RNF150: variants seen among roughly 807,000 people sequenced by gnomAD.
RNF150 encodes the protein ring finger protein 150.
RNF150 carries 24 observed loss-of-function variants against 39.3 expected under a neutral mutation model. The ratio of observed to expected loss-of-function variants is 0.61; its 90% CI spans 0.44 to 0.86. The LOEUF (loss-of-function observed/expected upper bound fraction) is 0.86. RNF150 is among the 40% of genes least tolerant of loss of function. The pLI is 0.00. For synonymous variants in RNF150, 255 were observed against 227.3 expected (o/e 1.12, Z -1.10); for missense variants, 502 against 587.8 (o/e 0.85, Z 1.51).
At chr4:140,947,853 C>T (rs1468074026) in intron 3 of RNF150, 117 bp from the exon 4 acceptor site, 3 of 608,254 alleles carry the variant, frequency 4.9e-6, no homozygotes, top group Non-Finnish European at 8.5e-6. Flanking sequence ...GTGCTGGTGC[C>T]AGTTTTTAAA....
intron 2 of RNF150, among the ~76,000 whole-genome samples, chr4:140,963,796 C>T (rs900874695): frequency 6.6e-6 from 1 of 151,944 alleles, no homozygotes; most frequent in Admixed American, 6.6e-5. Context: ...AAAACTTAGA[C>T]TATGGCCATT....
At chr4:140,896,035 C>G (rs1366723127) in intron 6 of RNF150, among the ~76,000 whole-genome samples, 3 of 128,894 alleles carry the variant, frequency 2.3e-5, no homozygotes, top group Non-Finnish European at 4.8e-5. Flanking sequence ...AGTCAGGAAA[C>G]AACAGGTGCT....
At chr4:141,082,454 C>T (rs1364276850) in intron 1 of RNF150, among the ~76,000 whole-genome samples, 4 of 152,216 alleles carry the variant, frequency 2.6e-5, no homozygotes, top group Non-Finnish European at 5.9e-5. Flanking sequence ...GTCTTCATTT[C>T]CTGAGACAAA....
At chr4:140,907,112 A>C (rs1730410001) in intron 6 of RNF150, among the ~76,000 whole-genome samples, 1 of 152,194 alleles carries the variant, frequency 6.6e-6, no homozygotes, top group Non-Finnish European at 1.5e-5. Flanking sequence ...GTTCTAAGGA[A>C]CTTTTTTCCC....
At chr4:141,103,154 T>G (rs1739074311) in intron 1 of RNF150, among the ~76,000 whole-genome samples, 2 of 152,166 alleles carry the variant, frequency 1.3e-5, no homozygotes, top group Admixed American at 6.5e-5. Flanking sequence ...CTAAGTCACA[T>G]GAGAGATAAA....
At chr4:141,183,886 T>A (rs1216031417) in intron 1 of RNF150, among the ~76,000 whole-genome samples, 1 of 152,212 alleles carries the variant, frequency 6.6e-6, no homozygotes, top group Admixed American at 6.5e-5. Flanking sequence ...ATGTGCCATA[T>A]TTTCTTTATT....
chr4:141,099,435 CAG>C (rs1202343395), intron 1 of RNF150, among the ~76,000 whole-genome samples: 1 of 151,964 alleles, frequency 6.6e-6, no homozygotes, highest in African/African-American at 2.4e-5. Flanking sequence ...AGAGAAGAGA[CAG>C]GGAGGAGAGA....
chr4:140,914,768 G>T (rs7678079), intron 5 of RNF150, among the ~76,000 whole-genome samples: 83,893 of 151,960 alleles, frequency 0.55, 23,652 homozygotes, highest in East Asian at 0.89. Flanking sequence ...TATATTTCCC[G>T]TAGCAAAATA....
At chr4:141,196,039 G>T (rs1728195428) in intron 1 of RNF150, among the ~76,000 whole-genome samples, 1 of 152,170 alleles carries the variant, frequency 6.6e-6, no homozygotes, top group Non-Finnish European at 1.5e-5. Context: ...CTTTGGCAAT[G>T]CTTAAAGTTT....
chr4:140,993,053 C>T (rs529625847), intron 1 of RNF150, among the ~76,000 whole-genome samples: 38 of 152,148 alleles, frequency 2.5e-4, no homozygotes, highest in South Asian at 2.3e-3. Flanking sequence ...TGTCAAGAAC[C>T]GTCTTGGTGG....
At chr4:140,915,991 C>T (rs147986436) in intron 5 of RNF150, among the ~76,000 whole-genome samples, 2 of 151,992 alleles carry the variant, frequency 1.3e-5, no homozygotes, top group Non-Finnish European at 2.9e-5. Flanking sequence ...GGGTCCTGAC[C>T]TTAGAAGGAA....
At chr4:140,926,962 T>C (rs1731422140) in intron 4 of RNF150, among the ~76,000 whole-genome samples, 2 of 152,222 alleles carry the variant, frequency 1.3e-5, no homozygotes, top group Admixed American at 1.3e-4. Flanking sequence ...TGACTCTCTT[T>C]CTGTACTCCC....
intron 4 of RNF150, 48 bp downstream of exon 4, chr4:140,947,606 C>T (rs199687405): frequency 8.4e-6 from 12 of 1,429,678 alleles, no homozygotes; most frequent in Non-Finnish European, 1.1e-5. Context: ...CACGCAGGCA[C>T]GCTCCACACA....
intron 1 of RNF150, among the ~76,000 whole-genome samples, chr4:141,180,310 C>T (rs1727884688): frequency 6.6e-6 from 1 of 152,156 alleles, no homozygotes; most frequent in African/African-American, 2.4e-5. Context: ...ACACCGCATT[C>T]CCTTCCCCTT....
At chr4:141,114,071 T>C (rs1309506461) in intron 1 of RNF150, among the ~76,000 whole-genome samples, 2 of 151,984 alleles carry the variant, frequency 1.3e-5, no homozygotes, top group Non-Finnish European at 1.5e-5. Context: ...GATCTAACAT[T>C]GACACCCCAA....
chr4:141,024,647 T>C (rs1735623153), intron 1 of RNF150, among the ~76,000 whole-genome samples: 2 of 152,028 alleles, frequency 1.3e-5, no homozygotes, highest in African/African-American at 4.8e-5. Context: ...TTTATTCAAG[T>C]GAAAAGTGTG....
At chr4:141,208,619 G>A (rs971510961) in intron 1 of RNF150, among the ~76,000 whole-genome samples, 2 of 152,142 alleles carry the variant, frequency 1.3e-5, no homozygotes, top group Non-Finnish European at 2.9e-5. Context: ...AAAGTCTATT[G>A]AGGTTACTGA....
At chr4:141,184,484 T>C (rs1450114901) in intron 1 of RNF150, among the ~76,000 whole-genome samples, 1 of 152,252 alleles carries the variant, frequency 6.6e-6, no homozygotes, top group South Asian at 2.1e-4. Flanking sequence ...TTTCTTTTGC[T>C]GTGCAGAAGT....
At chr4:141,178,250 G>A (rs191980418) in intron 1 of RNF150, among the ~76,000 whole-genome samples, 1,723 of 152,246 alleles carry the variant, frequency 0.011, 38 homozygotes, top group African/African-American at 0.038. Context: ...GTGTATGTGT[G>A]TGTGTGTGTG....
Sources: gnomAD v4.1 joint callset for allele counts (sites outside exome capture counted in the v4.1 genomes callset) on GRCh38, gnomAD v4.1.1 for gene constraint, MANE v1.5 for transcripts, NCBI Gene and HGNC (gene_info 2026-07-23, HGNC 2026-07-21) for gene names.